Variants in SOX5 observed in about 807,000 individuals in gnomAD.
SOX5 encodes transcription factor SOX-5.
Under a neutral mutation model 92.0 loss-of-function variants are expected in SOX5, and 9 were observed. The ratio of observed to expected loss-of-function variants is 0.10; its 90% CI spans 0.06 to 0.17. The LOEUF is 0.17. Ranked by LOEUF, SOX5 falls within the 10% of genes least tolerant of loss-of-function variation. SOX5 has a pLI of 1.00. For synonymous variants in SOX5, 344 were observed against 336.3 expected (o/e 1.02, Z -0.25); for missense variants, 642 against 944.5 (o/e 0.68, Z 4.20).
At chr12:24,451,082 T>C (rs1596803447) in intron 1 of SOX5, among the ~76,000 whole-genome samples, 1 of 152,202 alleles carries the variant, frequency 6.6e-6, no homozygotes, top group Admixed American at 6.5e-5. Context: ...TCACTTAACA[T>C]AATGACCTCC....
chr12:23,940,941 C>T (rs1483051878), intron 1 of SOX5, among the ~76,000 whole-genome samples: 1 of 151,384 alleles, frequency 6.6e-6, no homozygotes, highest in Non-Finnish European at 1.5e-5. Context: ...CACCACAATA[C>T]CACCTTCAAT....
chr12:24,208,006 T>C (rs1198523371), intron 4 of SOX5, among the ~76,000 whole-genome samples: 3 of 152,204 alleles, frequency 2.0e-5, no homozygotes, highest in South Asian at 2.1e-4. Flanking sequence ...CTGCTTTTTG[T>C]GATTTCCTAT....
At chr12:24,144,957 T>C (rs1593583033) in intron 4 of SOX5, among the ~76,000 whole-genome samples, 1 of 152,138 alleles carries the variant, frequency 6.6e-6, no homozygotes, top group East Asian at 1.9e-4. Flanking sequence ...TAGCCAGACA[T>C]GGTGTGCACC....
chr12:23,568,119 C>T (rs1947471710), intron 10 of SOX5, among the ~76,000 whole-genome samples: 1 of 152,082 alleles, frequency 6.6e-6, no homozygotes, highest in Non-Finnish European at 1.5e-5. Context: ...TTAGGCTGGG[C>T]CATAAATCCA....
At chr12:23,564,596 C>T (rs1792015410) in intron 10 of SOX5, among the ~76,000 whole-genome samples, 1 of 152,154 alleles carries the variant, frequency 6.6e-6, no homozygotes, top group Non-Finnish European at 1.5e-5. Context: ...CACCCTAATC[C>T]ATTTTTAGAA....
At chr12:23,565,798 A>T (rs936768787) in intron 10 of SOX5, among the ~76,000 whole-genome samples, 3 of 152,204 alleles carry the variant, frequency 2.0e-5, no homozygotes, top group Non-Finnish European at 4.4e-5. Flanking sequence ...GTTAAATCAT[A>T]AAGCCATGTA....
chr12:24,040,376 A>G (rs570651043), intron 4 of SOX5, among the ~76,000 whole-genome samples: 2 of 152,348 alleles, frequency 1.3e-5, no homozygotes, highest in East Asian at 3.9e-4. Flanking sequence ...TTTACCACTT[A>G]TAAATTCTAG....
chr12:23,659,406 C>T (rs2082729728), intron 7 of SOX5, among the ~76,000 whole-genome samples: 1 of 152,118 alleles, frequency 6.6e-6, no homozygotes, highest in Non-Finnish European at 1.5e-5. Flanking sequence ...AGAGTAAATA[C>T]AGCATATTTT....
intron 1 of SOX5, among the ~76,000 whole-genome samples, chr12:24,407,932 A>G (rs1963320864): frequency 6.6e-6 from 1 of 152,242 alleles, no homozygotes; most frequent in African/African-American, 2.4e-5. Flanking sequence ...TGATGAGAGA[A>G]GAAAAATAAA....
intron 4 of SOX5, among the ~76,000 whole-genome samples, chr12:24,151,771 A>T (rs74068405): frequency 0.02 from 2,987 of 152,234 alleles, 91 homozygotes; most frequent in African/African-American, 0.065. Flanking sequence ...TTCTCACTGC[A>T]GTTCTTTTTA....
intron 1 of SOX5, among the ~76,000 whole-genome samples, chr12:24,546,908 T>C (rs1167028187): frequency 6.6e-6 from 1 of 152,112 alleles, no homozygotes; most frequent in Non-Finnish European, 1.5e-5. Flanking sequence ...CCAGTAAAAC[T>C]TTGGAAGGCT....
At chr12:23,697,318 T>C (rs2090016923) in intron 6 of SOX5, among the ~76,000 whole-genome samples, 1 of 152,238 alleles carries the variant, frequency 6.6e-6, no homozygotes, top group Non-Finnish European at 1.5e-5. Context: ...GTAAAATGAC[T>C]CTTGGTATCC....
At chr12:23,798,995 A>G (rs929753282) in intron 3 of SOX5, among the ~76,000 whole-genome samples, 1 of 151,988 alleles carries the variant, frequency 6.6e-6, no homozygotes, top group Non-Finnish European at 1.5e-5. Context: ...GTTCATGAAA[A>G]TTGTCATCGT....
intron 1 of SOX5, among the ~76,000 whole-genome samples, chr12:23,905,844 G>A (rs914917569): frequency 2.6e-5 from 4 of 151,984 alleles, no homozygotes; most frequent in Non-Finnish European, 4.4e-5. Context: ...TAATAAGCAC[G>A]TTCTACTAAA....
chr12:23,800,687 C>T (rs749489296), intron 3 of SOX5, among the ~76,000 whole-genome samples: 1 of 151,950 alleles, frequency 6.6e-6, no homozygotes, highest in East Asian at 1.9e-4. Context: ...CTCTAAAGTA[C>T]TACATTTGGG....
At chr12:23,898,280 G>A (rs1029217177) in intron 1 of SOX5, among the ~76,000 whole-genome samples, 8 of 152,214 alleles carry the variant, frequency 5.3e-5, no homozygotes, top group East Asian at 1.9e-4. Flanking sequence ...TTATACAAAC[G>A]TTAGCATTTG....
chr12:24,434,793 C>T (rs1939081279), intron 1 of SOX5, among the ~76,000 whole-genome samples: 1 of 152,178 alleles, frequency 6.6e-6, no homozygotes, highest in Admixed American at 6.5e-5. Flanking sequence ...CTCCCCAAAG[C>T]CGAGCAGATG....
At chr12:23,818,557 C>T (rs746449683) in intron 3 of SOX5, among the ~76,000 whole-genome samples, 9 of 152,014 alleles carry the variant, frequency 5.9e-5, no homozygotes, top group Non-Finnish European at 1.2e-4. Context: ...TGTAAACACT[C>T]GATTCTTAGA....
At chr12:24,014,077 A>C (rs766981899) in intron 4 of SOX5, among the ~76,000 whole-genome samples, 39 of 152,212 alleles carry the variant, frequency 2.6e-4, no homozygotes, top group Non-Finnish European at 4.9e-4. Flanking sequence ...CGTGACTTGT[A>C]GTTTTTATGA....
Sources: allele counts gnomAD v4.1 joint callset (sites outside exome capture counted in the v4.1 genomes callset), GRCh38; gene constraint gnomAD v4.1.1; transcripts MANE v1.5; gene names NCBI Gene and HGNC (gene_info 2026-07-23, HGNC 2026-07-21).